The following RBFOX1 variants were observed in gnomAD, a reference collection of about 807,000 sequenced individuals.
RBFOX1 encodes the protein RNA binding fox-1 homolog 1.
In RBFOX1, 8 loss-of-function variants were observed where a neutral mutation model predicts 57.7. The observed-to-expected ratio is 0.14, with a 90% CI of 0.08 to 0.25. The LOEUF is 0.25. RBFOX1 is among the 10% of genes least tolerant of loss of function. RBFOX1 has a pLI of 1.00. For missense variants in RBFOX1, 611 were observed against 548.5 expected, an observed-to-expected ratio of 1.11 and a Z score of -1.14; for synonymous variants, 326 against 222.4, an observed-to-expected ratio of 1.47 and a Z score of -4.15.
chr16:7,153,635 A>G (rs1164953666), intron 4 of RBFOX1, among the ~76,000 whole-genome samples: 2 of 151,334 alleles, frequency 1.3e-5, no homozygotes, highest in African/African-American at 4.9e-5. Context: ...CTATAATTCC[A>G]GCTACTTGGG....
rs71142694 is a variant in RBFOX1, at chr16:6,211,188, C to CTTTT, written c.-126-105795_-126-105792dup. On this transcript the variant is annotated intron_variant, in intron 1 of 15. Coordinates refer to ENST00000550418, the MANE Select transcript of RBFOX1 (RefSeq NM_018723.4). ...CCATGAGACAGAGTGTTTTCTTCTT[C>CTTTT]TTTTTTTTTTTTTTTGGTTAGTGCC... is the stretch of plus-strand genomic sequence containing the variant. 2.6e-3 allele frequency among the ~76,000 whole-genome samples: 239 copies of CTTTT among 91,282 alleles called. 3 individuals carry two copies. The highest frequency in any genetic ancestry group is 4.5e-3 in the Non-Finnish European group (211 of 46,864). The allele number at this position is 91,282 out of a possible 152,430, so 59.9% of individuals were successfully genotyped here. A position where few individuals can be genotyped will look rare whatever the true frequency, so the allele number is the denominator to read the frequency against.
Position 7,518,239 on chromosome 16 carries a change from A to G in RBFOX1, c.120A>G (p.Glu40=). The change falls in exon 5 of 16, where the codon GAA becomes GAG. Residue 40 remains glutamate, a synonymous_variant. Coordinates refer to ENST00000550418, the MANE Select transcript of RBFOX1 (RefSeq NM_018723.4). The stretch of plus-strand genomic sequence containing the variant: ...CCCCGCAGAACGGTATCCCCGCGGA[A>G]TACACGGCCCCTCATCCCCACCCCG... ...FAPPQNGIPA[E]YTAPHPHPAP... 6.2e-7 allele frequency: 1 copy of G among 1,614,086 alleles called. No homozygotes were observed. Among genetic ancestry groups the G allele is most frequent in the Non-Finnish European group, 8.5e-7 (1 of 1,179,994 alleles).
downstream of RBFOX1, among the ~76,000 whole-genome samples, chr16:5,602,071 C>G (rs775249112): frequency 1.8e-4 from 28 of 152,330 alleles, no homozygotes; most frequent in African/African-American, 6.3e-4. Context: ...TCCATCTCCA[C>G]CCTCTGACTG....
intron 3 of RBFOX1, among the ~76,000 whole-genome samples, chr16:6,682,324 A>G (rs2058774506): frequency 6.6e-6 from 1 of 152,080 alleles, no homozygotes; most frequent in Admixed American, 6.6e-5. Flanking sequence ...CCAGCTGACC[A>G]CTAGAGGCGC....
At chr16:7,567,426 T>A in intron 5 of RBFOX1, among the ~76,000 whole-genome samples, 1 of 141,106 alleles carries the variant, frequency 7.1e-6, no homozygotes, top group South Asian at 2.3e-4. Flanking sequence ...TATCCCTATG[T>A]ATGGCCCTAT....
intron 3 of RBFOX1, among the ~76,000 whole-genome samples, chr16:6,800,503 G>C (rs2085148674): frequency 6.6e-6 from 1 of 152,098 alleles, no homozygotes; most frequent in South Asian, 2.1e-4. Context: ...ATTTCTAATA[G>C]GCTTCCAGGT....
At chr16:6,200,120 T>G (rs539290021) in intron 1 of RBFOX1, among the ~76,000 whole-genome samples, 4 of 152,258 alleles carry the variant, frequency 2.6e-5, no homozygotes, top group African/African-American at 9.6e-5. Flanking sequence ...GGAGCCAAAT[T>G]GTTTCTGTTA....
At chr16:7,571,858 G>A (rs3826220) in intron 5 of RBFOX1, among the ~76,000 whole-genome samples, 58,837 of 152,044 alleles carry the variant, frequency 0.39, 11,807 homozygotes, top group South Asian at 0.53. Context: ...GCCCGGCGCC[G>A]TGGCTCAGGC....
chr16:7,625,500 C>T (rs952360698), intron 10 of RBFOX1, among the ~76,000 whole-genome samples: 1 of 152,032 alleles, frequency 6.6e-6, no homozygotes, highest in Non-Finnish European at 1.5e-5. Flanking sequence ...GCATGGGGGC[C>T]CCAGAATACT....
At chr16:5,774,729 C>G (rs1268505428) in intron 3 of RBFOX1, among the ~76,000 whole-genome samples, 2 of 152,176 alleles carry the variant, frequency 1.3e-5, no homozygotes, top group African/African-American at 4.8e-5. Flanking sequence ...CTCGCCCAGA[C>G]TAGAGTGCAG....
intron 3 of RBFOX1, among the ~76,000 whole-genome samples, chr16:6,976,683 CATACCT>C (rs1334878572): frequency 6.7e-6 from 1 of 148,718 alleles, no homozygotes; most frequent in African/African-American, 2.5e-5. Flanking sequence ...TCATATATAT[CATACCT>C]ATAGCATACA....
At chr16:6,801,773 A>G (rs2085517260) in intron 3 of RBFOX1, among the ~76,000 whole-genome samples, 1 of 152,128 alleles carries the variant, frequency 6.6e-6, no homozygotes, top group African/African-American at 2.4e-5. Flanking sequence ...TCTGGAAAAT[A>G]TTGCCAGACC....
intron 2 of RBFOX1, among the ~76,000 whole-genome samples, chr16:6,428,049 G>A (rs1203438541): frequency 5.9e-5 from 9 of 152,078 alleles, no homozygotes; most frequent in African/African-American, 9.7e-5. Flanking sequence ...TTGGGAGGCC[G>A]AGGCAGGCAA....
chr16:6,467,022 T>C (rs1303240286), intron 2 of RBFOX1, among the ~76,000 whole-genome samples: 2 of 151,194 alleles, frequency 1.3e-5, no homozygotes, highest in Admixed American at 6.6e-5. Context: ...ATAATAAAGT[T>C]TATTTAATAT....
chr16:6,605,116 G>C (rs2097908561), intron 2 of RBFOX1, among the ~76,000 whole-genome samples: 1 of 152,282 alleles, frequency 6.6e-6, no homozygotes. Context: ...GTGCGCACCT[G>C]TAGTCTCAGC....
At position 6,312,068 on chromosome 16, in the gene RBFOX1, G is replaced by T. The variant is rs182116056; in HGVS notation, c.-126-4927G>T. Among the ~76,000 whole-genome samples the T allele has an allele frequency of 2.9e-3, 449 of 152,290 alleles. 6 individuals carry two copies. The highest frequency in any genetic ancestry group is 9.4e-3 in the African/African-American group (391 of 41,556). ...CAAGATACAGTTTGCTTCCCTGCCT[G>T]CAGGGTGGGTACAAAATCCCAACTT... is the stretch of plus-strand genomic sequence containing the variant. On this transcript the variant is annotated intron_variant, in intron 1 of 15. Coordinates refer to ENST00000550418, the MANE Select transcript of RBFOX1 (RefSeq NM_018723.4).
chr16:5,570,959 G>C (rs1180358421), intron 2 of RBFOX1, among the ~76,000 whole-genome samples: 1 of 151,954 alleles, frequency 6.6e-6, no homozygotes, highest in East Asian at 1.9e-4. Flanking sequence ...GCTAGAAGGG[G>C]ATTTTATTCT....
rs187055947 is a variant in RBFOX1, at chr16:5,298,930, A to G, written c.219+58825A>G. ...TGAGATAGGTGGACTTGTGTGTTCT[A>G]TGTGATTTAAAGAATATATACATTA... is the stretch of plus-strand genomic sequence containing the variant. On this transcript the variant is annotated intron_variant, in intron 1 of 2. Coordinates refer to the RBFOX1 transcript ENST00000585867. Among the ~76,000 whole-genome samples, 408 of 115,252 alleles carry G rather than the reference A, an allele frequency of 3.5e-3. 1 individual carries two copies. The highest frequency in any genetic ancestry group is 6.3e-3 in the Admixed American group (64 of 10,198). The allele number at this position is 115,252 out of a possible 152,430, so 75.6% of individuals were successfully genotyped here.
At chr16:6,130,699 A>G (rs2096623552) in intron 1 of RBFOX1, among the ~76,000 whole-genome samples, 1 of 152,190 alleles carries the variant, frequency 6.6e-6, no homozygotes, top group African/African-American at 2.4e-5. Context: ...CCATATGAAT[A>G]GTAAGGATAA....
Sources: allele counts gnomAD v4.1 joint callset (sites outside exome capture counted in the v4.1 genomes callset), GRCh38; gene constraint gnomAD v4.1.1; transcripts MANE v1.5; gene names NCBI Gene and HGNC (gene_info 2026-07-23, HGNC 2026-07-21).